Variants in HTT observed in about 807,000 individuals in gnomAD.
HTT encodes the protein huntingtin, also known as huntington disease protein.
HTT carries 104 observed loss-of-function variants against 362.3 expected under a neutral mutation model. The observed-to-expected ratio is 0.29, with a 90% CI of 0.24 to 0.34. The LOEUF is 0.34. Ranked by LOEUF, HTT falls within the 10% of genes least tolerant of loss-of-function variation. The pLI is 1.00. For synonymous variants in HTT, 1,577 were observed against 1,548.7 expected (o/e 1.02, Z -0.43); for missense variants, 3,301 against 3,928.6 (o/e 0.84, Z 4.27).
chr4:3,107,322 A>G lies in HTT; in HGVS notation c.646A>G (p.Thr216Ala), dbSNP rs181975967. ...GAACCTTCTGCCGTGCCTGACTCGA[A>G]CAAGCAAGAGACCCGAAGAATCAGT... ...LVNLLPCLTR[T>A]SKRPEESVQE... Residue 216 changes from threonine (T) to alanine (A), a missense_variant, in exon 6 of 67, where the codon ACA becomes GCA. Transcript: ENST00000355072. 3.1e-6 allele frequency: 5 copies of G among 1,614,226 alleles called. No individual in the cohort carries two copies. The Admixed American group carries it at 6.7e-5, about 22-fold the overall frequency.
chr4:3,240,198 G>A lies in HTT; in HGVS notation c.*139G>A, dbSNP rs142715334. 243 of 673,380 alleles carry A rather than the reference G, an allele frequency of 3.6e-4. 3 individuals carry two copies. Among genetic ancestry groups the A allele is most frequent in the Admixed American group, 2.6e-3 (104 of 39,704 alleles). The allele number at this position is 673,380 out of a possible 1,614,324, so 41.7% of individuals were successfully genotyped here. On this transcript the variant is annotated 3_prime_UTR_variant, in exon 67 of 67. Coordinates refer to ENST00000355072, the MANE Select transcript of HTT (RefSeq NM_001388492.1). ...TGCCGCGGGCGGCCAGGCAACGTGC[G>A]TGTCTCTGCCATGTGGCAGAAGTGC...
Position 3,132,640 on chromosome 4 carries a change from G to C in HTT, c.2315G>C (p.Cys772Ser). The part of the protein sequence containing the change: ...PQVRGATAIL[C>S]GTLICSILSR... ...GTTCGAGGAGCCACTGCCATTCTCT[G>C]TGGGACCCTCATCTGCTCCATCCTC... is the stretch of plus-strand genomic sequence containing the variant. Residue 772 changes from cysteine (C) to serine (S), a missense_variant, in exon 17 of 67, where the codon TGT becomes TCT. By Grantham distance (112) the Cys-to-Ser change is moderately radical. Transcript: ENST00000355072. 6.2e-7 allele frequency: 1 copy of C among 1,614,112 alleles called. No homozygotes were observed. Among genetic ancestry groups the C allele is most frequent in the African/African-American group, 1.3e-5 (1 of 75,034 alleles).
intron 29 of HTT, among the ~76,000 whole-genome samples, chr4:3,161,288 A>G (rs1166827233): frequency 6.6e-6 from 1 of 152,156 alleles, no homozygotes; most frequent in African/African-American, 2.4e-5. Flanking sequence ...TCCATGGTGT[A>G]TATGTGCCAC....
At position 3,131,330 on chromosome 4, in the gene HTT, C is replaced by T; in HGVS notation, c.2031C>T (p.Asp677=). 1 of 1,614,096 alleles carries T rather than the reference C, an allele frequency of 6.2e-7. No individual in the cohort carries two copies. Among genetic ancestry groups the T allele is most frequent in the South Asian group, 1.1e-5 (1 of 91,076 alleles). ...KGDIGQSTDD[D]SAPLVHCVRL... ...ACATTGGACAGTCCACTGATGATGA[C>T]TCTGCACCTCTTGTCCATTGTGTCC... is the stretch of plus-strand genomic sequence containing the variant. Residue 677 remains aspartate (D), a synonymous_variant, in exon 15 of 67, where the codon GAC becomes GAT. Coordinates refer to ENST00000355072, the MANE Select transcript of HTT (RefSeq NM_001388492.1).
chr4:3,211,537 G>T lies in HTT; in HGVS notation c.6415-392G>T, dbSNP rs362337. Among the ~76,000 whole-genome samples the T allele has an allele frequency of 6.4e-4, 98 of 152,276 alleles. 1 individual carries two copies. The South Asian group carries it at 0.02, about 31-fold the overall frequency. Reference sequence around the variant, plus strand: ...ATGGCTACTTTTACGTATTTCAGCTGCATTTGAACATCTTTTTCAAACTTT... The same window carrying T: ...ATGGCTACTTTTACGTATTTCAGCTTCATTTGAACATCTTTTTCAAACTTT... On this transcript the variant is annotated intron_variant, in intron 47 of 66. Coordinates refer to ENST00000355072, the MANE Select transcript of HTT (RefSeq NM_001388492.1).
At position 3,229,003 on chromosome 4, in the gene HTT, C is replaced by T. The variant is rs1398785105; in HGVS notation, c.8103C>T (p.Val2701=). Residue 2701 remains valine (V), a synonymous_variant, in exon 59 of 67, where the codon GTC becomes GTT. Coordinates refer to ENST00000355072, the MANE Select transcript of HTT (RefSeq NM_001388492.1). Reference sequence around the variant, plus strand: ...CGGCCATCCTGATCAGTGAGGTGGTCAGATCCGTAAGTGAGCCTTCCCATT... The same window carrying T: ...CGGCCATCCTGATCAGTGAGGTGGTTAGATCCGTAAGTGAGCCTTCCCATT... ...RTPAILISEV[V]RSLLVVSDLF... 6.2e-7 allele frequency: 1 copy of T among 1,612,436 alleles called. No homozygotes were observed. The highest frequency in any genetic ancestry group is 8.5e-7 in the Non-Finnish European group (1 of 1,178,744).
chr4:3,121,182 C>A, intron 8 of HTT, 46 bp from the exon 9 acceptor site: 1 of 1,410,346 alleles, frequency 7.1e-7, no homozygotes, highest in Non-Finnish European at 1.0e-6. Context: ...GCTTAGGATG[C>A]ATTTTATAAA....
intron 3 of HTT, among the ~76,000 whole-genome samples, chr4:3,103,185 A>G (rs1313760153): frequency 6.7e-6 from 1 of 149,636 alleles, no homozygotes; most frequent in African/African-American, 2.4e-5. Context: ...CAGGGGCTTT[A>G]GGATTTATTA....
chr4:3,186,516 C>G, intron 37 of HTT, 81 bp from the exon 38 acceptor site: 2 of 1,499,620 alleles, frequency 1.3e-6, no homozygotes, highest in Non-Finnish European at 1.8e-6. Flanking sequence ...ATGATTTGCC[C>G]TTGAGTTACA....
chr4:3,095,843 G>C (rs1713830073), intron 2 of HTT, among the ~76,000 whole-genome samples: 1 of 152,178 alleles, frequency 6.6e-6, no homozygotes, highest in African/African-American at 2.4e-5. Flanking sequence ...AGAAATAGGG[G>C]AAGAGGCAAA....
At chr4:3,092,578 T>G (rs1374629418) in intron 2 of HTT, among the ~76,000 whole-genome samples, 1 of 152,120 alleles carries the variant, frequency 6.6e-6, no homozygotes, top group Non-Finnish European at 1.5e-5. Flanking sequence ...GATGAGATCT[T>G]GCTGTATTGC....
intron 64 of HTT, among the ~76,000 whole-genome samples, chr4:3,237,840 G>T (rs769458112): frequency 5.9e-5 from 9 of 152,296 alleles, no homozygotes; most frequent in Middle Eastern, 3.4e-3. Flanking sequence ...CGTGTTTCAG[G>T]ATCTGGTTAG....
chr4:3,238,755 GGC>G, intron 65 of HTT, 61 bp from the exon 66 acceptor site: 1 of 767,460 alleles, frequency 1.3e-6, no homozygotes, highest in Non-Finnish European at 1.9e-6. Context: ...CCGCCACCCA[GGC>G]GCAGCAGGTG....
At chr4:3,163,060 G>A (rs1280487712) in intron 29 of HTT, among the ~76,000 whole-genome samples, 1 of 152,162 alleles carries the variant, frequency 6.6e-6, no homozygotes, top group Non-Finnish European at 1.5e-5. Context: ...TTAGCTGTGG[G>A]TTTGTCATAA....
At chr4:3,237,134 T>G (rs1453171089) in intron 64 of HTT, among the ~76,000 whole-genome samples, 1 of 151,968 alleles carries the variant, frequency 6.6e-6, no homozygotes, top group Non-Finnish European at 1.5e-5. Flanking sequence ...AGTGCAATGG[T>G]GTGATCTCGG....
intron 2 of HTT, among the ~76,000 whole-genome samples, chr4:3,091,870 T>C (rs182961548): frequency 3.7e-4 from 56 of 152,294 alleles, no homozygotes; most frequent in Admixed American, 5.9e-4. Context: ...AGCTTTAGAT[T>C]ATTATATGTC....
chr4:3,117,585 C>G (rs1243949922), intron 8 of HTT, among the ~76,000 whole-genome samples: 1 of 151,972 alleles, frequency 6.6e-6, no homozygotes, highest in African/African-American at 2.4e-5. Context: ...GCCTGTAATC[C>G]CAGAACTTTG....
intron 64 of HTT, 97 bp from the exon 65 acceptor site, chr4:3,238,350 C>T (rs570093402): frequency 5.1e-5 from 44 of 863,520 alleles, no homozygotes; most frequent in South Asian, 2.3e-4. Flanking sequence ...GATTTCACAT[C>T]GGCATTTTCC....
chr4:3,179,067 G>A (rs1023728672), intron 35 of HTT, among the ~76,000 whole-genome samples: 3 of 152,162 alleles, frequency 2.0e-5, no homozygotes, highest in Non-Finnish European at 4.4e-5. Context: ...TCCTTTGCTG[G>A]AATCTGTAGG....
Sources: gnomAD v4.1 joint callset for allele counts (sites outside exome capture counted in the v4.1 genomes callset) on GRCh38, gnomAD v4.1.1 for gene constraint, MANE v1.5 for transcripts, NCBI Gene and HGNC (gene_info 2026-07-23, HGNC 2026-07-21) for gene names.